The following NKAIN3 variants were observed in gnomAD, a reference collection of about 807,000 sequenced individuals.
NKAIN3 encodes sodium/potassium transporting ATPase interacting 3.
In NKAIN3, 25 loss-of-function variants were observed where a neutral mutation model predicts 30.2. That is an observed-to-expected ratio of 0.83 (90% CI 0.60 to 1.16). The LOEUF is 1.16. Among genes scored for constraint, NKAIN3 ranks in the 50% most tolerant of loss-of-function variants. The probability of loss-of-function intolerance (pLI) is 0.00; values close to 1 mark genes in which losing one functional copy is unlikely to be tolerated. For missense variants in NKAIN3, 225 were observed against 254.1 expected (o/e 0.89, Z 0.78); for synonymous variants, 91 against 89.6 (o/e 1.02, Z -0.09).
intron 5 of NKAIN3, among the ~76,000 whole-genome samples, chr8:62,928,147 G>A (rs1822506331): frequency 6.6e-6 from 1 of 152,072 alleles, no homozygotes; most frequent in Non-Finnish European, 1.5e-5. Context: ...GTATTCATAT[G>A]ACTTGAATGC....
rs80196615 is a variant in NKAIN3 at position 62,969,865 on chromosome 8, G to C, written c.*4458G>C. ...CCCAAAAGTGAACTGACAGAGGAAA[G>C]TACTCTTCATATAACTGCACAGTGA... On this transcript the variant is annotated 3_prime_UTR_variant, in exon 7 of 7. Transcript: ENST00000623646. Among the ~76,000 whole-genome samples the C allele has an allele frequency of 5.3e-5, 8 of 152,198 alleles. No individual in the cohort carries two copies. Among genetic ancestry groups the C allele is most frequent in the African/African-American group, 1.9e-4 (8 of 41,534 alleles).
intron 1 of NKAIN3, among the ~76,000 whole-genome samples, chr8:62,375,623 T>A (rs1483921013): frequency 6.6e-6 from 1 of 152,150 alleles, no homozygotes; most frequent in East Asian, 1.9e-4. Flanking sequence ...CCACCTAAAT[T>A]ACCAATCGGA....
Position 62,981,461 on chromosome 8 carries a change from A to G in NKAIN3, c.*16054A>G, listed in dbSNP as rs545270347. ...AATACCTTTACCTCCTTTGGGGGAA[A>G]TCCAAACTGAAAGGAATTAATATCC... is the stretch of plus-strand genomic sequence containing the variant. On this transcript the variant is annotated 3_prime_UTR_variant, in exon 7 of 7. Coordinates refer to ENST00000623646, the MANE Select transcript of NKAIN3 (RefSeq NM_001304533.3). The G allele has an allele frequency of 6.6e-6, 1 of 152,314 alleles. No individual in the cohort carries two copies. Among genetic ancestry groups the G allele is most frequent in the African/African-American group, 2.4e-5 (1 of 41,566 alleles). The allele number at this position is 152,314 out of a possible 1,614,324, so 9.4% of individuals were successfully genotyped here. A position where few individuals can be genotyped will look rare whatever the true frequency, so the allele number is the denominator to read the frequency against.
chr8:62,627,628 T>C lies in NKAIN3; in HGVS notation c.273+37834T>C, dbSNP rs114353198. On this transcript the variant is annotated intron_variant, in intron 3 of 6. Transcript: ENST00000623646. ...TTCATCAAGATGACTGAGAGGATGA[T>C]GGTGATTTCAGTAATTACAACTTAC... 1.6e-3 allele frequency among the ~76,000 whole-genome samples: 244 copies of C among 152,248 alleles called. 1 individual carries two copies. Among genetic ancestry groups the C allele is most frequent in the African/African-American group, 5.4e-3 (226 of 41,556 alleles).
intron 1 of NKAIN3, among the ~76,000 whole-genome samples, chr8:62,375,571 A>G (rs1817051455): frequency 6.6e-6 from 1 of 152,154 alleles, no homozygotes; most frequent in Non-Finnish European, 1.5e-5. Context: ...TCATAAGCGT[A>G]AATACTACTA....
chr8:62,658,550 A>T (rs1233468392), intron 3 of NKAIN3, among the ~76,000 whole-genome samples: 2 of 152,202 alleles, frequency 1.3e-5, no homozygotes, highest in East Asian at 3.9e-4. Flanking sequence ...ATAAATGAAT[A>T]TATCACTCCA....
intron 1 of NKAIN3, among the ~76,000 whole-genome samples, chr8:62,273,455 T>A (rs1172772537): frequency 6.6e-6 from 1 of 152,214 alleles, no homozygotes; most frequent in East Asian, 1.9e-4. Context: ...AGTTTTTCAG[T>A]TTAAGATGGT....
chr8:62,523,737 C>A lies in NKAIN3; in HGVS notation c.55-55802C>A, dbSNP rs988918279. ...GGATTTCTTATGACCATGAAGACAC[C>A]AGGGCTCTGAATATTGAAAGAGGAC... On this transcript the variant is annotated intron_variant, in intron 1 of 6. Coordinates refer to ENST00000623646, the MANE Select transcript of NKAIN3 (RefSeq NM_001304533.3). Among the ~76,000 whole-genome samples the A allele has an allele frequency of 2.0e-5, 3 of 152,036 alleles. 1 individual carries two copies. The highest frequency in any genetic ancestry group is 2.0e-4 in the Admixed American group (3 of 15,244).
At chr8:62,908,214 T>A (rs1821836813) in intron 4 of NKAIN3, among the ~76,000 whole-genome samples, 1 of 152,186 alleles carries the variant, frequency 6.6e-6, no homozygotes, top group Non-Finnish European at 1.5e-5. Flanking sequence ...TTTGGCCAGT[T>A]TCTCCCATTT....
At position 62,944,539 on chromosome 8, in the gene NKAIN3, C is replaced by A. The variant is rs182685945; in HGVS notation, c.533-9363C>A. On this transcript the variant is annotated intron_variant, in intron 5 of 6. Transcript: ENST00000623646. ...TCACAATCCATTAATGCTTTATATTCTTCCATTCATTTAGACATATTTAAT... is the reference window on the plus strand; with the variant it reads ...TCACAATCCATTAATGCTTTATATTATTCCATTCATTTAGACATATTTAAT... Among the ~76,000 whole-genome samples, 731 of 152,222 alleles carry A rather than the reference C, an allele frequency of 4.8e-3. 9 individuals are homozygous for A. The highest frequency in any genetic ancestry group is 0.016 in the African/African-American group (654 of 41,552).
intron 4 of NKAIN3, among the ~76,000 whole-genome samples, chr8:62,815,171 A>G (rs1026289006): frequency 2.6e-5 from 4 of 152,108 alleles, no homozygotes; most frequent in African/African-American, 9.7e-5. Flanking sequence ...CTAAACCAGG[A>G]AGAAGTTGAA....
In NKAIN3 at chr8:62,804,146, A is replaced by G. The variant is rs543117842; in HGVS notation, c.471+57017A>G. On this transcript the variant is annotated intron_variant, in intron 4 of 6. Transcript: ENST00000623646. The stretch of plus-strand genomic sequence containing the variant: ...ATAGCTTACCAACCAAAAAGAGTCC[A>G]GGACCAGATGGATTCACAGCAGAAT... 1.5e-3 allele frequency among the ~76,000 whole-genome samples: 234 copies of G among 152,348 alleles called. 1 individual carries two copies. The highest frequency in any genetic ancestry group is 4.9e-3 in the African/African-American group (204 of 41,586).
At chr8:62,673,052 T>C (rs1371512029) in intron 3 of NKAIN3, among the ~76,000 whole-genome samples, 2 of 152,214 alleles carry the variant, frequency 1.3e-5, no homozygotes, top group Non-Finnish European at 2.9e-5. Context: ...CAGAAAAAGA[T>C]ACTAATGTTC....
intron 1 of NKAIN3, chr8:62,473,248 G>A (rs1806412647): frequency 6.6e-6 from 1 of 152,210 alleles, no homozygotes; most frequent in Non-Finnish European, 1.5e-5. Context: ...GTGCACTGAA[G>A]TACAGCAAGT....
At chr8:62,904,462 A>C (rs979620475) in intron 4 of NKAIN3, among the ~76,000 whole-genome samples, 1 of 152,212 alleles carries the variant, frequency 6.6e-6, no homozygotes, top group Non-Finnish European at 1.5e-5. Context: ...TTATATAATC[A>C]TTGGCTTGTT....
At chr8:62,457,804 A>T (rs1476615643) in intron 1 of NKAIN3, among the ~76,000 whole-genome samples, 3 of 152,190 alleles carry the variant, frequency 2.0e-5, no homozygotes, top group Non-Finnish European at 4.4e-5. Flanking sequence ...TTTGCCATAT[A>T]TTATAAATTG....
intron 4 of NKAIN3, among the ~76,000 whole-genome samples, chr8:62,912,382 A>G (rs2085251): frequency 0.09 from 13,768 of 152,162 alleles, 652 homozygotes; most frequent in South Asian, 0.15. Context: ...CACTTAGGCT[A>G]TACTACATTT....
At chr8:62,431,191 G>T (rs1339741575) in intron 1 of NKAIN3, among the ~76,000 whole-genome samples, 1 of 151,794 alleles carries the variant, frequency 6.6e-6, no homozygotes, top group Non-Finnish European at 1.5e-5. Context: ...TTTATATCTT[G>T]TTGGATTTCT....
intron 4 of NKAIN3, among the ~76,000 whole-genome samples, chr8:62,793,611 C>T (rs762601979): frequency 5.5e-4 from 83 of 152,140 alleles, no homozygotes; most frequent in Admixed American, 1.4e-3. Context: ...AACATGGAGA[C>T]GTAGTGGTAG....
Sources: allele counts gnomAD v4.1 joint callset (sites outside exome capture counted in the v4.1 genomes callset), GRCh38; gene constraint gnomAD v4.1.1; transcripts MANE v1.5; gene names NCBI Gene and HGNC (gene_info 2026-07-23, HGNC 2026-07-21).